ULK4: variants seen among roughly 807,000 people sequenced by gnomAD.
ULK4 encodes unc-51 like kinase 4, also known as inactive serine/threonine-protein kinase ULK4.
ULK4 carries 133 observed loss-of-function variants against 160.6 expected under a neutral mutation model. The observed-to-expected ratio is 0.83, with a 90% confidence interval of 0.72 to 0.96. ULK4 has a LOEUF of 0.96. ULK4 is among the 40% of genes least tolerant of loss of function. The pLI is 0.00. For synonymous variants in ULK4, 534 were observed against 539.8 expected (o/e 0.99, Z 0.15); for missense variants, 1,580 against 1,499.5 (o/e 1.05, Z -0.89).
intron 35 of ULK4, among the ~76,000 whole-genome samples, chr3:41,281,172 C>T (rs1278599498): frequency 6.6e-6 from 1 of 152,126 alleles, no homozygotes; most frequent in African/African-American, 2.4e-5. Flanking sequence ...AGCCTACCCA[C>T]CAAAGAAAGT....
At chr3:41,757,682 G>A (rs1183957545) in intron 21 of ULK4, among the ~76,000 whole-genome samples, 1 of 150,980 alleles carries the variant, frequency 6.6e-6, no homozygotes, top group African/African-American at 2.4e-5. Flanking sequence ...CGCCCAGGCT[G>A]GAGTGCAGTG....
At chr3:41,797,975 A>C (rs1055037157) in intron 20 of ULK4, among the ~76,000 whole-genome samples, 12 of 152,102 alleles carry the variant, frequency 7.9e-5, no homozygotes, top group Non-Finnish European at 1.6e-4. Context: ...AATACAACCC[A>C]TGCTCCTGAA....
intron 32 of ULK4, among the ~76,000 whole-genome samples, chr3:41,502,620 CAAT>C (rs1427394131): frequency 6.6e-6 from 1 of 152,116 alleles, no homozygotes; most frequent in Non-Finnish European, 1.5e-5. Context: ...TTCAAAAGAA[CAAT>C]ACTATTGATA....
intron 32 of ULK4, among the ~76,000 whole-genome samples, chr3:41,501,257 G>C (rs1168494245): frequency 1.3e-5 from 2 of 152,190 alleles, no homozygotes; most frequent in African/African-American, 4.8e-5. Flanking sequence ...CAGCACTTTG[G>C]GAGGCCGAGA....
At chr3:41,306,135 G>T (rs1277887595) in intron 35 of ULK4, among the ~76,000 whole-genome samples, 2 of 124,910 alleles carry the variant, frequency 1.6e-5, no homozygotes, top group Non-Finnish European at 3.4e-5. Flanking sequence ...AGGTGGGGGG[G>T]GGGGGTCAGC....
At chr3:41,319,746 A>T (rs2125729028) in intron 35 of ULK4, among the ~76,000 whole-genome samples, 1 of 152,316 alleles carries the variant, frequency 6.6e-6, no homozygotes, top group South Asian at 2.1e-4. Context: ...TACATGGGAG[A>T]AGTATTACTA....
chr3:41,399,387 AT>A (rs1426903519), intron 34 of ULK4, among the ~76,000 whole-genome samples: 2 of 152,142 alleles, frequency 1.3e-5, no homozygotes, highest in African/African-American at 2.4e-5. Flanking sequence ...TTCTTTATAT[AT>A]TTTAAATACA....
At chr3:41,438,165 T>A (rs993737654) in intron 34 of ULK4, among the ~76,000 whole-genome samples, 7 of 151,900 alleles carry the variant, frequency 4.6e-5, no homozygotes, top group South Asian at 2.1e-4. Context: ...AGGCATTTTT[T>A]AAAATAATTA....
chr3:41,276,933 T>C (rs2079238594), intron 35 of ULK4, among the ~76,000 whole-genome samples: 1 of 152,102 alleles, frequency 6.6e-6, no homozygotes, highest in Non-Finnish European at 1.5e-5. Context: ...AAACAGGAGA[T>C]ATTACAACTG....
rs191765181 is a variant in ULK4 at position 41,625,626 on chromosome 3, T to A, written c.3072-9909A>T. On this transcript the variant is annotated intron_variant, in intron 30 of 36. Coordinates refer to ENST00000301831, the MANE Select transcript of ULK4 (RefSeq NM_017886.4). ...GAATTATCAGACAACAAGTATTCAA[T>A]AATCATAGCAGATCTTACAAAATAA... is the stretch of plus-strand genomic sequence containing the variant. 9.2e-5 allele frequency among the ~76,000 whole-genome samples: 14 copies of A among 152,308 alleles called. No homozygotes were observed. In the East Asian group the frequency reaches 2.7e-3, roughly 29 times the overall value.
chr3:41,397,305 T>C lies in ULK4; in HGVS notation c.3678+774A>G, dbSNP rs534240798. On this transcript the variant is annotated intron_variant, in intron 35 of 36. Transcript: ENST00000301831. ...TAAGTGAAGCAGAAGGGAAAGTTTT[T>C]CCTTACAGTGGAATGCTGGGAGTTA... Among the ~76,000 whole-genome samples, 13 of 152,286 alleles carry C rather than the reference T, an allele frequency of 8.5e-5. No homozygotes were observed. In the South Asian group the frequency reaches 1.5e-3, roughly 17 times the overall value.
At chr3:41,411,283 T>C (rs948163846) in intron 34 of ULK4, among the ~76,000 whole-genome samples, 3 of 152,126 alleles carry the variant, frequency 2.0e-5, no homozygotes, top group Non-Finnish European at 2.9e-5. Flanking sequence ...ACCTCCAGCA[T>C]TAACATCAAC....
intron 35 of ULK4, among the ~76,000 whole-genome samples, chr3:41,331,839 T>C (rs940350389): frequency 6.6e-6 from 1 of 152,170 alleles, no homozygotes. Context: ...TGATTCTTCC[T>C]TGGTGCCTTA....
At chr3:41,576,551 C>T (rs1264477042) in intron 31 of ULK4, among the ~76,000 whole-genome samples, 1 of 152,150 alleles carries the variant, frequency 6.6e-6, no homozygotes. Flanking sequence ...GGTGTGAGAG[C>T]CTCCTTCTAG....
intron 35 of ULK4, among the ~76,000 whole-genome samples, chr3:41,323,603 TA>T (rs1162627088): frequency 5.9e-5 from 9 of 152,250 alleles, no homozygotes; most frequent in Middle Eastern, 3.4e-3. Flanking sequence ...GCAAATTCTT[TA>T]CCAGCTGGCC....
intron 1 of ULK4, among the ~76,000 whole-genome samples, chr3:41,959,515 C>A (rs1201818707): frequency 1.3e-5 from 2 of 151,434 alleles, no homozygotes; most frequent in African/African-American, 4.8e-5. Context: ...ACAAGAGACT[C>A]CATATCAAAA....
chr3:41,349,980 T>C (rs964129329), intron 35 of ULK4, among the ~76,000 whole-genome samples: 1 of 152,242 alleles, frequency 6.6e-6, no homozygotes, highest in African/African-American at 2.4e-5. Flanking sequence ...ATAAATTCTC[T>C]GTGCTATTTC....
chr3:41,463,662 G>C (rs2083750212), intron 32 of ULK4, among the ~76,000 whole-genome samples: 1 of 152,180 alleles, frequency 6.6e-6, no homozygotes, highest in African/African-American at 2.4e-5. Context: ...GCTCTATCTA[G>C]CAACTGGGTG....
intron 5 of ULK4, among the ~76,000 whole-genome samples, chr3:41,928,565 G>GTTT (rs138310421): frequency 7.0e-6 from 1 of 141,966 alleles, no homozygotes; most frequent in East Asian, 2.0e-4. Context: ...TCTAGGAGCT[G>GTTT]TTTTTTTTTA....
Sources: allele counts gnomAD v4.1 joint callset (sites outside exome capture counted in the v4.1 genomes callset), GRCh38; gene constraint gnomAD v4.1.1; transcripts MANE v1.5; gene names NCBI Gene and HGNC (gene_info 2026-07-23, HGNC 2026-07-21).